SLC37A1: variants seen among roughly 807,000 people sequenced by gnomAD.
SLC37A1 encodes the protein solute carrier family 37 member 1.
In SLC37A1, 49 loss-of-function variants were observed where a neutral mutation model predicts 75.3. That is an observed-to-expected ratio of 0.65 (90% confidence interval 0.52 to 0.83). SLC37A1 has a LOEUF of 0.83. Ranked by LOEUF, SLC37A1 falls within the 40% of genes least tolerant of loss-of-function variation. The pLI, the probability that SLC37A1 is intolerant of heterozygous loss-of-function variation, is 0.00. For synonymous variants in SLC37A1, 268 were observed against 292.1 expected (o/e 0.92, Z 0.84); for missense variants, 566 against 695.0 (o/e 0.81, Z 2.09).
chr21:42,570,665 C>G (rs1474576011), intron 17 of SLC37A1, among the ~76,000 whole-genome samples: 2 of 152,122 alleles, frequency 1.3e-5, no homozygotes, highest in African/African-American at 2.4e-5. Flanking sequence ...ACTGGCAACC[C>G]CGATTGCTGT....
intron 17 of SLC37A1, among the ~76,000 whole-genome samples, chr21:42,569,465 G>A (rs543207995): frequency 6.6e-6 from 1 of 151,828 alleles, no homozygotes; most frequent in East Asian, 2.0e-4. Context: ...CCCGTGCCTG[G>A]GAAGGTCCCC....
chr21:42,517,030 C>T (rs139673556), intron 1 of SLC37A1, among the ~76,000 whole-genome samples: 1 of 152,170 alleles, frequency 6.6e-6, no homozygotes, highest in African/African-American at 2.4e-5. Context: ...TTCTTGAGCA[C>T]GTGGTCTGTG....
In SLC37A1 at chr21:42,564,729, T is replaced by C. The variant is rs1290132598; in HGVS notation, c.1157T>C (p.Ile386Thr). 1.2e-6 allele frequency: 2 copies of C among 1,611,098 alleles called. No individual in the cohort carries two copies. The highest frequency in any genetic ancestry group is 1.7e-6 in the Non-Finnish European group (2 of 1,179,980). ...GIFGGILAGV[I>T]SDRLEKRAST... ...GCAGGTGGGATCCTGGCAGGTGTGA[T>C]CTCAGACCGACTGGAGAAAAGGGCC... is the stretch of plus-strand genomic sequence containing the variant. Residue 386 changes from isoleucine (I) to threonine (T), a missense_variant, in exon 14 of 20, where the codon ATC becomes ACC. Coordinates refer to ENST00000352133, the MANE Select transcript of SLC37A1 (RefSeq NM_001320537.2).
intron 3 of SLC37A1, among the ~76,000 whole-genome samples, chr21:42,533,453 TTC>T (rs1212992727): frequency 1.3e-5 from 2 of 152,082 alleles, no homozygotes; most frequent in African/African-American, 4.8e-5. Flanking sequence ...ACAGAGCACA[TTC>T]TGTCTTCCTC....
chr21:42,513,365 C>T (rs897489133), upstream of SLC37A1, among the ~76,000 whole-genome samples: 3 of 152,242 alleles, frequency 2.0e-5, no homozygotes, highest in Non-Finnish European at 4.4e-5. Flanking sequence ...TAGCCAAATC[C>T]GCGTGCCGCA....
intron 5 of SLC37A1, among the ~76,000 whole-genome samples, chr21:42,539,259 T>C (rs1490639079): frequency 6.6e-6 from 1 of 152,240 alleles, no homozygotes; most frequent in Non-Finnish European, 1.5e-5. Flanking sequence ...TCCTAGTGTT[T>C]GAATTTTATT....
At chr21:42,546,349 T>C (rs988499611) in intron 8 of SLC37A1, among the ~76,000 whole-genome samples, 4 of 152,180 alleles carry the variant, frequency 2.6e-5, no homozygotes, top group African/African-American at 9.7e-5. Context: ...TTGTTCCATA[T>C]CAAGATAGAT....
chr21:42,578,061 A>G (rs1484999714), intron 18 of SLC37A1, among the ~76,000 whole-genome samples: 9 of 152,222 alleles, frequency 5.9e-5, no homozygotes, highest in African/African-American at 1.9e-4. Flanking sequence ...ACTGATCAAC[A>G]TGCTTTTTGG....
chr21:42,530,652 A>ACACACACG (rs1568997094), intron 3 of SLC37A1, among the ~76,000 whole-genome samples: 1 of 25,066 alleles, frequency 4.0e-5, no homozygotes, highest in Non-Finnish European at 8.6e-5. Context: ...ACACACACAC[A>ACACACACG]CACCCCCTCT....
Position 42,562,089 on chromosome 21 carries a change from G to C in SLC37A1, c.993G>C (p.Glu331Asp). The C allele has an allele frequency of 6.2e-7, 1 of 1,614,206 alleles. No homozygotes were observed. ...GCTCTCTCTTTCAGGGCGTGATAGA[G>C]TTCTCACTGTGTCTGCTGTTTGCCA... Reference protein sequence around the residue: ...TGALKIPGVIEFSLCLLFAKL... With the variant: ...TGALKIPGVIDFSLCLLFAKL... The change falls in exon 12 of 20, where the codon GAG (glutamate) becomes GAC (aspartate). Residue 331 changes from glutamate to aspartate, a missense_variant. Glu to Asp is a conservative substitution (Grantham distance 45, BLOSUM62 2). Coordinates refer to ENST00000352133, the MANE Select transcript of SLC37A1 (RefSeq NM_001320537.2).
At chr21:42,557,287 A>G (rs1240995482) in intron 10 of SLC37A1, among the ~76,000 whole-genome samples, 1 of 152,202 alleles carries the variant, frequency 6.6e-6, no homozygotes, top group Admixed American at 6.5e-5. Context: ...TGCCCCAGGG[A>G]CTGCTTCCGT....
intron 3 of SLC37A1, among the ~76,000 whole-genome samples, chr21:42,529,512 C>T (rs2054888252): frequency 6.6e-6 from 1 of 152,154 alleles, no homozygotes; most frequent in Non-Finnish European, 1.5e-5. Flanking sequence ...CGAGACCACA[C>T]CACCGCACTC....
chr21:42,574,422 G>A (rs1386468352), intron 17 of SLC37A1, among the ~76,000 whole-genome samples: 3 of 152,210 alleles, frequency 2.0e-5, no homozygotes, highest in African/African-American at 7.2e-5. Flanking sequence ...TCCCAGTACG[G>A]AGGCGTACAG....
rs950773520 is a variant in SLC37A1 at position 42,518,322 on chromosome 21, C to A, written c.-133C>A. 6.0e-5 allele frequency: 67 copies of A among 1,114,312 alleles called. No homozygotes were observed. In the African/African-American group the frequency reaches 9.3e-4, roughly 16 times the overall value. The allele number at this position is 1,114,312 out of a possible 1,614,324, so 69.0% of individuals were successfully genotyped here. A position where few individuals can be genotyped will look rare whatever the true frequency, so the allele number is the denominator to read the frequency against. On this transcript the variant is annotated 5_prime_UTR_variant, in exon 2 of 20. Coordinates refer to ENST00000352133, the MANE Select transcript of SLC37A1 (RefSeq NM_001320537.2). Reference sequence around the variant, plus strand: ...AGGAAGGGGACAAGACCCAGCAGGACACCTTCTTTCCACGCTTTCCAGCCT... The same window carrying A: ...AGGAAGGGGACAAGACCCAGCAGGAAACCTTCTTTCCACGCTTTCCAGCCT...
intron 1 of SLC37A1, among the ~76,000 whole-genome samples, chr21:42,501,321 T>A (rs181947594): frequency 1.3e-5 from 2 of 152,336 alleles, no homozygotes; most frequent in Non-Finnish European, 1.5e-5. Context: ...TACGTCTGAG[T>A]GTCTTCTAGG....
At chr21:42,532,684 C>T (rs567753315) in intron 3 of SLC37A1, among the ~76,000 whole-genome samples, 1 of 152,264 alleles carries the variant, frequency 6.6e-6, no homozygotes, top group East Asian at 1.9e-4. Context: ...ATCACACTCC[C>T]AGCCCCTCAC....
chr21:42,577,378 A>G (rs1220755385), intron 18 of SLC37A1, among the ~76,000 whole-genome samples: 1 of 152,282 alleles, frequency 6.6e-6, no homozygotes, highest in Non-Finnish European at 1.5e-5. Context: ...CAGAAACCAT[A>G]TGGCTGCAAA....
intron 16 of SLC37A1, among the ~76,000 whole-genome samples, chr21:42,567,635 T>C (rs2056013299): frequency 6.6e-6 from 1 of 152,226 alleles, no homozygotes; most frequent in African/African-American, 2.4e-5. Context: ...TGGATGATTT[T>C]CATATTGTGT....
chr21:42,577,080 G>A (rs976709686), intron 18 of SLC37A1, among the ~76,000 whole-genome samples: 5 of 152,196 alleles, frequency 3.3e-5, no homozygotes, highest in African/African-American at 9.6e-5. Context: ...AGATAAACTT[G>A]CACACAAGAG....
Sources: allele counts gnomAD v4.1 joint callset (sites outside exome capture counted in the v4.1 genomes callset), GRCh38; gene constraint gnomAD v4.1.1; transcripts MANE v1.5; gene names NCBI Gene and HGNC (gene_info 2026-07-23, HGNC 2026-07-21).